Variants in CFAP263 observed in about 807,000 individuals in gnomAD.
CFAP263 encodes cilia and flagella associated protein 263, also known as cilia- and flagella-associated protein 263.
the CFAP263 span, chr16:58,262,624 A>G: frequency 7.4e-7 from 1 of 1,349,174 alleles, no homozygotes; most frequent in Admixed American, 2.2e-5. Flanking sequence ...TGTGCATTCC[A>G]GTTTCACACA....
At chr16:58,257,480 T>G in the CFAP263 span, among the ~76,000 whole-genome samples, 1 of 152,120 alleles carries the variant, frequency 6.6e-6, no homozygotes, top group East Asian at 1.9e-4. Context: ...TGGAGTGCAG[T>G]GGCTATTCGC....
At chr16:58,270,052 G>A in the CFAP263 span, among the ~76,000 whole-genome samples, 21 of 152,148 alleles carry the variant, frequency 1.4e-4, no homozygotes, top group Non-Finnish European at 2.2e-4. Flanking sequence ...GTGATAGCTC[G>A]TTGTGGTTTT....
chr16:58,282,256 C>G, the CFAP263 span: 1 of 152,192 alleles, frequency 6.6e-6, no homozygotes, highest in Non-Finnish European at 1.5e-5. Context: ...CCACCCGCCT[C>G]GGCCTCCCCA....
the CFAP263 span, among the ~76,000 whole-genome samples, chr16:58,261,023 C>T: frequency 2.0e-5 from 3 of 152,138 alleles, no homozygotes; most frequent in African/African-American, 7.2e-5. Context: ...GGTAGCCTTT[C>T]TCTACTCTGT....
chr16:58,270,978 T>TG, the CFAP263 span, among the ~76,000 whole-genome samples: 3 of 152,198 alleles, frequency 2.0e-5, no homozygotes, highest in African/African-American at 7.2e-5. Context: ...ATGCACTCCA[T>TG]GTTTATATGT....
the CFAP263 span, chr16:58,280,823 T>C: frequency 2.9e-6 from 4 of 1,400,402 alleles, no homozygotes; most frequent in South Asian, 4.2e-5. Flanking sequence ...TCTATCCTTG[T>C]GCAATATACT....
At chr16:58,250,784 A>G in the CFAP263 span, among the ~76,000 whole-genome samples, 1 of 142,942 alleles carries the variant, frequency 7.0e-6, no homozygotes, top group Admixed American at 7.4e-5. Flanking sequence ...AAAAAAAAAA[A>G]TTATATGATA....
chr16:58,278,830 TTAGGGGCA>T, the CFAP263 span, among the ~76,000 whole-genome samples: 3 of 152,176 alleles, frequency 2.0e-5, no homozygotes, highest in East Asian at 5.8e-4. Context: ...TTTTGCATTG[TTAGGGGCA>T]GAGTCTTTTC....
At chr16:58,259,960 T>C in the CFAP263 span, 1 of 1,491,042 alleles carries the variant, frequency 6.7e-7, no homozygotes, top group Non-Finnish European at 9.3e-7. Flanking sequence ...TCTCTCTCTC[T>C]CTGTTTCTTT....
chr16:58,262,094 C>T, the CFAP263 span, among the ~76,000 whole-genome samples: 1 of 152,060 alleles, frequency 6.6e-6, no homozygotes, highest in Non-Finnish European at 1.5e-5. Flanking sequence ...GCCCCCACTC[C>T]CCCACATGCC....
chr16:58,279,774 G>A, the CFAP263 span: 7 of 1,612,052 alleles, frequency 4.3e-6, no homozygotes, highest in African/African-American at 9.4e-5. Context: ...TTGCTGGGAA[G>A]TAGCCAGAGG....
chr16:58,255,418 A>G, the CFAP263 span, among the ~76,000 whole-genome samples: 8 of 152,120 alleles, frequency 5.3e-5, no homozygotes, highest in African/African-American at 1.2e-4. Context: ...ACTGACTCAA[A>G]TATCATTCTC....
At chr16:58,254,126 G>A in the CFAP263 span, 2 of 1,614,176 alleles carry the variant, frequency 1.2e-6, no homozygotes, top group South Asian at 1.1e-5. Context: ...GACACACAAG[G>A]GCAAATGCGG....
At chr16:58,251,842 AAC>A in the CFAP263 span, among the ~76,000 whole-genome samples, 1 of 151,988 alleles carries the variant, frequency 6.6e-6, no homozygotes, top group Non-Finnish European at 1.5e-5. Context: ...ATGTGTGTGT[AAC>A]ACACACACAC....
At chr16:58,269,694 T>C in the CFAP263 span, among the ~76,000 whole-genome samples, 1 of 152,254 alleles carries the variant, frequency 6.6e-6, no homozygotes, top group East Asian at 1.9e-4. Context: ...TTTCGTTGTG[T>C]AGATAGACCA....
the CFAP263 span, chr16:58,258,534 A>T: frequency 1.2e-6 from 2 of 1,612,960 alleles, no homozygotes; most frequent in Non-Finnish European, 8.5e-7. Context: ...GTAAGTTGGC[A>T]GACAGAGCTT....
At chr16:58,263,795 T>C in the CFAP263 span, among the ~76,000 whole-genome samples, 3 of 152,180 alleles carry the variant, frequency 2.0e-5, no homozygotes, top group African/African-American at 4.8e-5. Context: ...CTGGCCAACA[T>C]GGCAAAACGC....
the CFAP263 span, among the ~76,000 whole-genome samples, chr16:58,271,707 C>A: frequency 6.6e-6 from 1 of 152,274 alleles, no homozygotes; most frequent in Non-Finnish European, 1.5e-5. Context: ...AGGAGGAAGA[C>A]CACAGACATA....
the CFAP263 span, among the ~76,000 whole-genome samples, chr16:58,263,806 T>C: frequency 3.3e-5 from 5 of 152,144 alleles, no homozygotes; most frequent in East Asian, 5.8e-4. Flanking sequence ...GGCAAAACGC[T>C]GTCTCTACTA....
Sources: gnomAD v4.1 joint callset for allele counts (sites outside exome capture counted in the v4.1 genomes callset) on GRCh38, gnomAD v4.1.1 for gene constraint, MANE v1.5 for transcripts, NCBI Gene and HGNC (gene_info 2026-07-23, HGNC 2026-07-21) for gene names.